The following HEATR5A variants were observed in gnomAD, a reference collection of about 807,000 sequenced individuals.
The protein encoded by HEATR5A is HEAT repeat-containing protein 5A.
Under a neutral mutation model 218.8 loss-of-function variants are expected in HEATR5A, and 178 were observed. The observed-to-expected ratio is 0.81, with a 90% confidence interval of 0.72 to 0.92. The LOEUF is 0.92. HEATR5A is among the 40% of genes least tolerant of loss of function. The pLI is 0.00. For synonymous variants in HEATR5A, 864 were observed against 871.6 expected, an observed-to-expected ratio of 0.99 and a Z score of 0.15; for missense variants, 2,420 against 2,418.9, an observed-to-expected ratio of 1.00 and a Z score of -0.01.
In HEATR5A at chr14:31,395,286, G is replaced by T; in HGVS notation, c.510C>A (p.Ala170=). 1 of 1,524,932 alleles carries T rather than the reference G, an allele frequency of 6.6e-7. No individual in the cohort carries two copies. Among genetic ancestry groups the T allele is most frequent in the Non-Finnish European group, 8.8e-7 (1 of 1,136,860 alleles). 94.5% of individuals were successfully genotyped at this position (1,524,932 alleles called of 1,614,324 possible). A position where few individuals can be genotyped will look rare whatever the true frequency, so the allele number is the denominator to read the frequency against. Residue 170 remains alanine, a synonymous_variant, in exon 5 of 36, where the codon GCC becomes GCA. Transcript: ENST00000543095. ...AAACATCCCTGTGACAAGGTGCAGC[G>T]GCAGCTCCTAGTCCATTCAATATAT... ...LQNILNGLGA[A]AAPCHRDVYK...
At chr14:31,379,275 G>A (rs1053532698) in intron 11 of HEATR5A, among the ~76,000 whole-genome samples, 10 of 149,796 alleles carry the variant, frequency 6.7e-5, no homozygotes, top group African/African-American at 2.5e-4. Context: ...TTTTGAGAGG[G>A]AGTCTTGCTC....
intron 23 of HEATR5A, among the ~76,000 whole-genome samples, chr14:31,324,473 T>C (rs1768791536): frequency 1.3e-5 from 2 of 152,196 alleles, no homozygotes; most frequent in Non-Finnish European, 2.9e-5. Flanking sequence ...TTTTGCACGT[T>C]AGAATACCAA....
intron 6 of HEATR5A, among the ~76,000 whole-genome samples, 162 bp from the exon 7 acceptor site, chr14:31,389,167 C>T (rs2030351838): frequency 6.6e-6 from 1 of 152,174 alleles, no homozygotes; most frequent in African/African-American, 2.4e-5. Flanking sequence ...CAAAGTCACA[C>T]AAGGGGTCAG....
At chr14:31,333,668 G>A (rs890328234) in intron 22 of HEATR5A, among the ~76,000 whole-genome samples, 4 of 152,088 alleles carry the variant, frequency 2.6e-5, no homozygotes, top group Non-Finnish European at 5.9e-5. Context: ...TCTTGTGATG[G>A]GCTAATGCAG....
At chr14:31,389,286 T>G (rs1199094000) in intron 6 of HEATR5A, among the ~76,000 whole-genome samples, 1 of 152,128 alleles carries the variant, frequency 6.6e-6, no homozygotes, top group African/African-American at 2.4e-5. Flanking sequence ...AAGGCTGTCT[T>G]CTAAAACAGG....
intron 16 of HEATR5A, among the ~76,000 whole-genome samples, chr14:31,358,342 G>A (rs987941333): frequency 6.6e-6 from 1 of 152,082 alleles, no homozygotes; most frequent in Non-Finnish European, 1.5e-5. Flanking sequence ...AACCTAGTAT[G>A]TGTCTTTGTA....
intron 9 of HEATR5A, among the ~76,000 whole-genome samples, chr14:31,386,191 A>G (rs986075066): frequency 2.6e-5 from 4 of 152,238 alleles, no homozygotes; most frequent in East Asian, 1.9e-4. Flanking sequence ...TTTCCATGTT[A>G]TAAGTCTCTA....
At position 31,402,047 on chromosome 14, in the gene HEATR5A, T is replaced by C. The variant is rs562536387; in HGVS notation, c.126+803A>G. ...CCCCAAATCTAGAAGTTGCTTTTTT[T>C]CCCTCTCTTAAAGATCAGCAAACTT... On this transcript the variant is annotated intron_variant, in intron 2 of 35. Coordinates refer to ENST00000543095, the MANE Select transcript of HEATR5A (RefSeq NM_015473.4). Among the ~76,000 whole-genome samples, 178 of 152,306 alleles carry C rather than the reference T, an allele frequency of 1.2e-3. 1 individual carries two copies. The South Asian group carries it at 0.015, about 13-fold the overall frequency.
chr14:31,402,212 T>C (rs1309793607), intron 2 of HEATR5A, among the ~76,000 whole-genome samples: 1 of 152,254 alleles, frequency 6.6e-6, no homozygotes, highest in Admixed American at 6.5e-5. Flanking sequence ...AGTGTTTTTC[T>C]ACCACTTTGG....
chr14:31,360,399 G>C (rs1901579051), intron 14 of HEATR5A, among the ~76,000 whole-genome samples: 1 of 152,036 alleles, frequency 6.6e-6, no homozygotes, highest in South Asian at 2.1e-4. Flanking sequence ...TTTGCTTTTG[G>C]TGATGGGCAG....
chr14:31,310,484 A>G (rs1224399923), intron 28 of HEATR5A, among the ~76,000 whole-genome samples: 1 of 152,154 alleles, frequency 6.6e-6, no homozygotes, highest in Non-Finnish European at 1.5e-5. Context: ...TACTAAAAAT[A>G]CAAAAATTAG....
chr14:31,382,305 A>G (rs1423503105), intron 10 of HEATR5A, among the ~76,000 whole-genome samples: 3 of 152,234 alleles, frequency 2.0e-5, no homozygotes, highest in Non-Finnish European at 4.4e-5. Context: ...TTTCAGTGGC[A>G]TTGGCAATAC....
intron 20 of HEATR5A, 114 bp downstream of exon 20, chr14:31,344,973 C>T (rs2139207423): frequency 6.0e-6 from 5 of 827,410 alleles, no homozygotes; most frequent in Middle Eastern, 4.8e-4. Context: ...TTTATACATT[C>T]ATTTAACAAA....
chr14:31,379,401 CCA>C (rs2029893949), intron 11 of HEATR5A, among the ~76,000 whole-genome samples: 1 of 151,932 alleles, frequency 6.6e-6, no homozygotes, highest in Non-Finnish European at 1.5e-5. Flanking sequence ...CAGGCATGCA[CCA>C]CCATGCCCGG....
At position 31,347,795 on chromosome 14, in the gene HEATR5A, C is replaced by T; in HGVS notation, c.2821G>A (p.Gly941Arg). The change falls in exon 19 of 36, where the codon GGA (glycine) becomes AGA (arginine). Residue 941 changes from glycine to arginine, a missense_variant. Coordinates refer to ENST00000543095, the MANE Select transcript of HEATR5A (RefSeq NM_015473.4). Reference protein sequence around the residue: ...SSSQHLNSCIGILYTLAQDST... With the variant: ...SSSQHLNSCIRILYTLAQDST... Reference sequence around the variant, plus strand: ...TCCTGCGCCAAAGTATAAAGGATTCCAATACAAGAATTTAGGTGTTGAGAA... The same window carrying T: ...TCCTGCGCCAAAGTATAAAGGATTCTAATACAAGAATTTAGGTGTTGAGAA... 1 of 1,611,806 alleles carries T rather than the reference C, an allele frequency of 6.2e-7. No individual in the cohort carries two copies. Among genetic ancestry groups the T allele is most frequent in the Non-Finnish European group, 8.5e-7 (1 of 1,178,954 alleles).
At chr14:31,393,793 C>G (rs1464470967) in intron 6 of HEATR5A, among the ~76,000 whole-genome samples, 1 of 151,994 alleles carries the variant, frequency 6.6e-6, no homozygotes, top group Admixed American at 6.5e-5. Context: ...GGATTGCAGG[C>G]GTGTGCCATC....
rs1228150158 is a variant in HEATR5A at position 31,321,521 on chromosome 14, A to G, written c.3947T>C (p.Ile1316Thr). The part of the protein sequence containing the change: ...VPEPEFPGHV[I>T]LEQYQANVGA... Reference sequence around the variant, plus strand: ...TACATTGGCTTGATACTGTTCCAGAATCACATGACCTGGAAACTCTGGTTC... The same window carrying G: ...TACATTGGCTTGATACTGTTCCAGAGTCACATGACCTGGAAACTCTGGTTC... The change falls in exon 25 of 36, where the codon ATT becomes ACT. Residue 1316 changes from isoleucine (I) to threonine (T), a missense_variant. Ile to Thr is a moderately conservative substitution (Grantham distance 89). Coordinates refer to ENST00000543095, the MANE Select transcript of HEATR5A (RefSeq NM_015473.4). 6.3e-7 allele frequency: 1 copy of G among 1,599,142 alleles called. No individual in the cohort carries two copies. Among genetic ancestry groups the G allele is most frequent in the Non-Finnish European group, 8.5e-7 (1 of 1,172,514 alleles).
At chr14:31,332,822 C>G (rs2139185572) in intron 22 of HEATR5A, among the ~76,000 whole-genome samples, 1 of 151,994 alleles carries the variant, frequency 6.6e-6, no homozygotes, top group Middle Eastern at 3.4e-3. Flanking sequence ...CCCGTCTCTG[C>G]CAAAAATACA....
At chr14:31,349,688 G>T in intron 18 of HEATR5A, 101 bp downstream of exon 18, 19 of 739,532 alleles carry the variant, frequency 2.6e-5, no homozygotes, top group South Asian at 1.0e-4. Flanking sequence ...TCTTTTCTTA[G>T]TTAAATCTCA....
Sources: allele counts gnomAD v4.1 joint callset (sites outside exome capture counted in the v4.1 genomes callset), GRCh38; gene constraint gnomAD v4.1.1; transcripts MANE v1.5; gene names NCBI Gene and HGNC (gene_info 2026-07-23, HGNC 2026-07-21).